Variants in RNF180 observed in about 807,000 individuals in gnomAD.
RNF180 encodes E3 ubiquitin-protein ligase RNF180.
A neutral mutation model predicts 59.2 loss-of-function variants in RNF180; 38 were observed. That is an observed-to-expected ratio of 0.64 (90% confidence interval 0.50 to 0.84). The LOEUF (loss-of-function observed/expected upper bound fraction) is 0.84. Among genes scored for constraint, RNF180 ranks in the 40% least tolerant of loss-of-function variants. RNF180 has a pLI of 0.00. For missense variants in RNF180, 705 were observed against 700.9 expected (o/e 1.01, Z -0.07); for synonymous variants, 262 against 240.3 (o/e 1.09, Z -0.84).
intron 5 of RNF180, among the ~76,000 whole-genome samples, chr5:64,264,203 T>G (rs545087993): frequency 6.6e-6 from 1 of 152,142 alleles, no homozygotes; most frequent in African/African-American, 2.4e-5. Context: ...TTCCCCAAAA[T>G]AGGTCATAAG....
At position 64,369,687 on chromosome 5, in the gene RNF180, A is replaced by T. The variant is rs1210518449; in HGVS notation, c.1652A>T (p.His551Leu). 6.5e-7 allele frequency: 1 copy of T among 1,548,068 alleles called. No individual in the cohort carries two copies. The change falls in exon 8 of 8, where the codon CAC (histidine) becomes CTC (leucine). Residue 551 changes from histidine (H) to leucine (L), a missense_variant. By Grantham distance (99) the His-to-Leu change is moderately conservative (BLOSUM62 -3). Coordinates refer to ENST00000389100, the MANE Select transcript of RNF180 (RefSeq NM_001113561.2). ...PHGAHRMDYL[H>L]FEDDSRGWWF... ...GGTGCACACAGGATGGATTACCTGCACTTTGAGGATGATAGCCGTGGATGG... is the reference window on the plus strand; with the variant it reads ...GGTGCACACAGGATGGATTACCTGCTCTTTGAGGATGATAGCCGTGGATGG...
intron 1 of RNF180, among the ~76,000 whole-genome samples, chr5:64,178,576 T>C (rs1243596153): frequency 6.6e-6 from 1 of 152,258 alleles, no homozygotes; most frequent in Non-Finnish European, 1.5e-5. Context: ...TTTTCTAGTC[T>C]AATTCAGTTA....
chr5:64,352,607 G>C (rs1248944213), intron 7 of RNF180, among the ~76,000 whole-genome samples: 1 of 151,960 alleles, frequency 6.6e-6, no homozygotes, highest in Non-Finnish European at 1.5e-5. Context: ...TTGTGTCTTT[G>C]TTCTTATTGG....
intron 7 of RNF180, among the ~76,000 whole-genome samples, chr5:64,365,994 T>G (rs1289252130): frequency 6.6e-6 from 1 of 150,906 alleles, no homozygotes; most frequent in South Asian, 2.1e-4. Context: ...TATTGATATA[T>G]GTGGATTTGA....
intron 5 of RNF180, among the ~76,000 whole-genome samples, chr5:64,281,690 G>A (rs898118164): frequency 6.6e-6 from 1 of 152,070 alleles, no homozygotes; most frequent in African/African-American, 2.4e-5. Context: ...TAGAGACAAG[G>A]TTTCACCATG....
chr5:64,349,763 G>C (rs1197353310), intron 7 of RNF180, among the ~76,000 whole-genome samples: 1 of 152,102 alleles, frequency 6.6e-6, no homozygotes, highest in Non-Finnish European at 1.5e-5. Flanking sequence ...CAAAGGACGT[G>C]AACTCATCCT....
At chr5:64,332,837 G>T (rs901885253) in intron 7 of RNF180, among the ~76,000 whole-genome samples, 4 of 152,156 alleles carry the variant, frequency 2.6e-5, no homozygotes, top group South Asian at 4.1e-4. Flanking sequence ...CAGGGAACAG[G>T]AGGAACTTCT....
At chr5:64,176,144 C>T (rs1352031566) in intron 1 of RNF180, among the ~76,000 whole-genome samples, 1 of 152,090 alleles carries the variant, frequency 6.6e-6, no homozygotes, top group African/African-American at 2.4e-5. Context: ...CTGAGTCAAT[C>T]TCCTCATTTA....
At chr5:64,331,037 G>A (rs1580265322) in intron 7 of RNF180, among the ~76,000 whole-genome samples, 4 of 152,348 alleles carry the variant, frequency 2.6e-5, no homozygotes, top group Admixed American at 2.6e-4. Context: ...CAAAGTTGAA[G>A]CCAAGCCCAG....
intron 5 of RNF180, among the ~76,000 whole-genome samples, chr5:64,275,876 C>T (rs1741685592): frequency 1.3e-5 from 2 of 152,214 alleles, no homozygotes; most frequent in South Asian, 4.1e-4. Flanking sequence ...CCACCCTAAG[C>T]ATGAGAAAAT....
At chr5:64,291,749 G>C (rs1221662899) in intron 5 of RNF180, among the ~76,000 whole-genome samples, 2 of 152,110 alleles carry the variant, frequency 1.3e-5, no homozygotes, top group East Asian at 3.9e-4. Context: ...TTCTAATATG[G>C]TTCCATTCTC....
chr5:64,319,699 C>T (rs1233090300), intron 5 of RNF180, among the ~76,000 whole-genome samples: 1 of 152,182 alleles, frequency 6.6e-6, no homozygotes, highest in East Asian at 1.9e-4. Flanking sequence ...ATGATTTAAG[C>T]TCCTGAGAGT....
chr5:64,233,931 C>A (rs1203815151), intron 5 of RNF180, among the ~76,000 whole-genome samples: 1 of 152,112 alleles, frequency 6.6e-6, no homozygotes, highest in Non-Finnish European at 1.5e-5. Context: ...ATGCCCTGGT[C>A]TGGTTCAGAA....
At chr5:64,291,452 T>A (rs1742581007) in intron 5 of RNF180, among the ~76,000 whole-genome samples, 1 of 128,046 alleles carries the variant, frequency 7.8e-6, no homozygotes. Flanking sequence ...TGAGGCGGAG[T>A]CTCGATCTGT....
At chr5:64,209,737 G>T (rs1264221443) in intron 2 of RNF180, among the ~76,000 whole-genome samples, 1 of 151,974 alleles carries the variant, frequency 6.6e-6, no homozygotes, top group Non-Finnish European at 1.5e-5. Context: ...TACTTCATTT[G>T]TCAATTCTAG....
intron 1 of RNF180, among the ~76,000 whole-genome samples, chr5:64,186,616 G>A (rs1290437982): frequency 6.6e-6 from 1 of 151,980 alleles, no homozygotes; most frequent in African/African-American, 2.4e-5. Context: ...AATAATTATT[G>A]AATATTAACT....
intron 5 of RNF180, among the ~76,000 whole-genome samples, chr5:64,301,997 A>G (rs1198818807): frequency 2.6e-5 from 4 of 151,622 alleles, no homozygotes; most frequent in East Asian, 3.9e-4. Context: ...TTGGTCAAAA[A>G]TATTTCTCTT....
chr5:64,293,930 ACTT>A (rs1156993194), intron 5 of RNF180, among the ~76,000 whole-genome samples: 2 of 152,204 alleles, frequency 1.3e-5, no homozygotes, highest in Admixed American at 6.5e-5. Context: ...TTTTAAAAAG[ACTT>A]CTTATTATCA....
chr5:64,195,881 A>T (rs190618097), intron 1 of RNF180, among the ~76,000 whole-genome samples: 1 of 152,152 alleles, frequency 6.6e-6, no homozygotes, highest in Admixed American at 6.5e-5. Context: ...ACCATCTCAG[A>T]TTGGCACCAT....
Sources: allele counts gnomAD v4.1 joint callset (sites outside exome capture counted in the v4.1 genomes callset), GRCh38; gene constraint gnomAD v4.1.1; transcripts MANE v1.5; gene names NCBI Gene and HGNC (gene_info 2026-07-23, HGNC 2026-07-21).